The following KNOP1 variants were observed in gnomAD, a reference collection of about 807,000 sequenced individuals.
KNOP1 encodes lysine-rich nucleolar protein 1.
In KNOP1, 20 loss-of-function variants were observed where a neutral mutation model predicts 30.6. The ratio of observed to expected loss-of-function variants is 0.65; its 90% CI spans 0.46 to 0.95. KNOP1 has a LOEUF of 0.95. KNOP1 is among the 40% of genes least tolerant of loss of function. The pLI, the probability that KNOP1 is intolerant of heterozygous loss-of-function variation, is 0.00. For missense variants in KNOP1, 540 were observed against 562.0 expected, an observed-to-expected ratio of 0.96 and a Z score of 0.40; for synonymous variants, 204 against 210.0, an observed-to-expected ratio of 0.97 and a Z score of 0.25.
chr16:19,716,274 G>A (rs1051859350), intron 1 of KNOP1, among the ~76,000 whole-genome samples: 1 of 152,244 alleles, frequency 6.6e-6, no homozygotes, highest in African/African-American at 2.4e-5. Context: ...TAGGGATACA[G>A]AGATGAACAA....
At position 19,706,650 on chromosome 16, in the gene KNOP1, A is replaced by G; in HGVS notation, c.*260T>C. ...TGCCCCAGTTCATCCAAGCCCATCAATATAGTTGTCCTCGTCCTTAATCTC... is the reference window on the plus strand; with the variant it reads ...TGCCCCAGTTCATCCAAGCCCATCAGTATAGTTGTCCTCGTCCTTAATCTC... On this transcript the variant is annotated 3_prime_UTR_variant, in exon 5 of 5. Coordinates refer to ENST00000219837, the MANE Select transcript of KNOP1 (RefSeq NM_001012991.3). 2 of 451,304 alleles carry G rather than the reference A, an allele frequency of 4.4e-6. No individual in the cohort carries two copies. The highest frequency in any genetic ancestry group is 2.5e-5 in the South Asian group (1 of 40,670). 28.0% of individuals were successfully genotyped at this position (451,304 alleles called of 1,614,324 possible).
rs190026088 is a variant in KNOP1 at position 19,713,829 on chromosome 16, C to T, written c.918+289G>A. The stretch of plus-strand genomic sequence containing the variant: ...TGATCCCAGTTAATTCAGACCCCAA[C>T]GGCAGACAGGGAAAACTTGGGTGGT... On this transcript the variant is annotated intron_variant, in intron 2 of 4. Coordinates refer to ENST00000219837, the MANE Select transcript of KNOP1 (RefSeq NM_001012991.3). Among the ~76,000 whole-genome samples, 4 of 152,278 alleles carry T rather than the reference C, an allele frequency of 2.6e-5. No homozygotes were observed. The East Asian group carries it at 7.7e-4, about 29-fold the overall frequency.
chr16:19,710,420 T>TCCTG (rs1976645426), intron 4 of KNOP1, 89 bp downstream of exon 4: 2 of 1,317,010 alleles, frequency 1.5e-6, no homozygotes, highest in Admixed American at 3.4e-5. Context: ...TACTTGGTTC[T>TCCTG]CCTGCTCCAC....
chr16:19,714,511 C>T lies in KNOP1; in HGVS notation c.525G>A (p.Arg175=). Residue 175 remains arginine (R), a synonymous_variant, in exon 2 of 5, where the codon AGG becomes AGA. Coordinates refer to ENST00000219837, the MANE Select transcript of KNOP1 (RefSeq NM_001012991.3). ...SVQDPWFCEA[R]EARDVGDTCS... Reference sequence around the variant, plus strand: ...AAGTGTCCCCAACATCCCTGGCCTCCCTGGCCTCACAGAACCAAGGGTCCT... The same window carrying T: ...AAGTGTCCCCAACATCCCTGGCCTCTCTGGCCTCACAGAACCAAGGGTCCT... 13 of 1,614,108 alleles carry T rather than the reference C, an allele frequency of 8.1e-6. No homozygotes were observed. The highest frequency in any genetic ancestry group is 1.1e-5 in the Non-Finnish European group (13 of 1,180,006).
intron 4 of KNOP1, among the ~76,000 whole-genome samples, chr16:19,708,928 C>T (rs902654465): frequency 3.3e-5 from 5 of 152,156 alleles, no homozygotes; most frequent in African/African-American, 4.8e-5. Context: ...ACCACTTCAC[C>T]ACGTCTCAGT....
In KNOP1 at chr16:19,706,906, G is replaced by A. The variant is rs539033738; in HGVS notation, c.*4C>T. 6.2e-7 allele frequency: 1 copy of A among 1,611,402 alleles called. No homozygotes were observed. The highest frequency in any genetic ancestry group is 1.3e-5 in the African/African-American group (1 of 74,954). ...GCAGTTTTGGGGGGACAAAACTCTA[G>A]AGTTTAATCTTCCAGCTTGACTGAC... On this transcript the variant is annotated 3_prime_UTR_variant, in exon 5 of 5. Coordinates refer to ENST00000219837, the MANE Select transcript of KNOP1 (RefSeq NM_001012991.3).
chr16:19,710,587 C>T lies in KNOP1; in HGVS notation c.988-1G>A. 1 of 1,611,962 alleles carries T rather than the reference C, an allele frequency of 6.2e-7. No homozygotes were observed. Reference sequence around the variant, plus strand: ...CTTCTTGCAAGGCCTTTCGCCTCACCTGAGCAAGAAGGATGACAGAAGAGG... The same window carrying T: ...CTTCTTGCAAGGCCTTTCGCCTCACTTGAGCAAGAAGGATGACAGAAGAGG... On this transcript the variant is annotated splice_acceptor_variant, in intron 3 of 4. Coordinates refer to ENST00000219837, the MANE Select transcript of KNOP1 (RefSeq NM_001012991.3). LOFTEE classifies it high-confidence loss of function.
Position 19,704,645 on chromosome 16 carries a change from T to G in KNOP1, c.*2265A>C, listed in dbSNP as rs559706825. On this transcript the variant is annotated 3_prime_UTR_variant, in exon 5 of 5. Coordinates refer to ENST00000219837, the MANE Select transcript of KNOP1 (RefSeq NM_001012991.3). ...TTACACCAGGCACATTCCTGTAGTG[T>G]TGCTCAAGGTCAGGAGGGATTTGTT... is the stretch of plus-strand genomic sequence containing the variant. 1 of 153,236 alleles carries G rather than the reference T, an allele frequency of 6.5e-6. No homozygotes were observed. The highest frequency in any genetic ancestry group is 1.9e-4 in the East Asian group (1 of 5,200). 9.5% of individuals were successfully genotyped at this position (153,236 alleles called of 1,614,324 possible). A position where few individuals can be genotyped will look rare whatever the true frequency, so the allele number is the denominator to read the frequency against.
At position 19,718,222 on chromosome 16, in the gene KNOP1, C is replaced by T. The variant is rs552280455; in HGVS notation, c.-67G>A. ...TCCGCCGTGACCCGGAAGTCCACTTCGAGTCGCCGGCCCACCCTCTCGGGT... is the reference window on the plus strand; with the variant it reads ...TCCGCCGTGACCCGGAAGTCCACTTTGAGTCGCCGGCCCACCCTCTCGGGT... On this transcript the variant is annotated 5_prime_UTR_variant, in exon 1 of 5. Transcript: ENST00000219837. 1.3e-6 allele frequency: 2 copies of T among 1,534,164 alleles called. No individual in the cohort carries two copies. The highest frequency in any genetic ancestry group is 1.7e-6 in the Non-Finnish European group (2 of 1,142,990).
chr16:19,707,314 T>A lies in KNOP1; in HGVS notation c.1066-93A>T, dbSNP rs1976433509. The stretch of plus-strand genomic sequence containing the variant: ...CCCTCATCAGGGAGGGCCCAGCAGA[T>A]TAGATGGCTGCTGTGTACCAGGCAC... On this transcript the variant is annotated intron_variant, in intron 4 of 4. Coordinates refer to ENST00000219837, the MANE Select transcript of KNOP1 (RefSeq NM_001012991.3). 8.2e-6 allele frequency: 8 copies of A among 972,026 alleles called. 1 individual carries two copies. The South Asian group carries it at 8.4e-5, about 10-fold the overall frequency. The allele number at this position is 972,026 out of a possible 1,614,324, so 60.2% of individuals were successfully genotyped here. A position where few individuals can be genotyped will look rare whatever the true frequency, so the allele number is the denominator to read the frequency against.
Position 19,709,160 on chromosome 16 carries a change from C to A in KNOP1, c.1065+1349G>T, listed in dbSNP as rs566967387. Among the ~76,000 whole-genome samples the A allele has an allele frequency of 2.6e-4, 39 of 152,340 alleles. 3 individuals are homozygous for A. In the South Asian group the frequency reaches 7.3e-3, roughly 28 times the overall value. Reference sequence around the variant, plus strand: ...CATAACAAAGCCCCACTCCATACCCCACCAGGCCAGGGTACGAGTCCCATT... The same window carrying A: ...CATAACAAAGCCCCACTCCATACCCAACCAGGCCAGGGTACGAGTCCCATT... On this transcript the variant is annotated intron_variant, in intron 4 of 4. Coordinates refer to ENST00000219837, the MANE Select transcript of KNOP1 (RefSeq NM_001012991.3).
At chr16:19,712,345 C>G (rs1976763679) in intron 2 of KNOP1, among the ~76,000 whole-genome samples, 2 of 152,300 alleles carry the variant, frequency 1.3e-5, no homozygotes, top group Admixed American at 6.5e-5. Context: ...CTCCCCTCCC[C>G]CTCTAACCGA....
rs1976888976 is a variant in KNOP1, at chr16:19,714,443, T to C, written c.593A>G (p.Gln198Arg). 1.2e-6 allele frequency: 2 copies of C among 1,613,970 alleles called. No homozygotes were observed. The highest frequency in any genetic ancestry group is 8.5e-7 in the Non-Finnish European group (1 of 1,180,026). The change falls in exon 2 of 5, where the codon CAG (glutamine) becomes CGG (arginine). Residue 198 changes from glutamine to arginine, a missense_variant. Transcript: ENST00000219837. Reference protein sequence around the residue: ...KKDEEQAALGQKRKRKSPREH... With the variant: ...KKDEEQAALGRKRKRKSPREH... The stretch of plus-strand genomic sequence containing the variant: ...TCTGGGGCTCTTCCGCTTCCGTTTC[T>C]GCCCCAAGGCTGCCTGTTCCTCATC...
Position 19,706,980 on chromosome 16 carries a change from A to G in KNOP1, c.1307T>C (p.Phe436Ser). 6.2e-7 allele frequency: 1 copy of G among 1,613,736 alleles called. No homozygotes were observed. The highest frequency in any genetic ancestry group is 8.5e-7 in the Non-Finnish European group (1 of 1,180,022). Residue 436 changes from phenylalanine to serine, a missense_variant, in exon 5 of 5, where the codon TTC becomes TCC. Transcript: ENST00000219837. ...WKYSRGAGLG[F>S]STAPNKIFYI... ...AAAGATCTTGTTGGGGGCGGTGGAG[A>G]AGCCGAGGCCGGCTCCCCGGCTGTA...
chr16:19,709,073 C>A (rs1976572844), intron 4 of KNOP1, among the ~76,000 whole-genome samples: 1 of 152,122 alleles, frequency 6.6e-6, no homozygotes, highest in South Asian at 2.1e-4. Context: ...GCTGGATGTC[C>A]CATCAGCTCG....
At chr16:19,711,232 G>C in intron 3 of KNOP1, 140 bp downstream of exon 3, 1 of 788,310 alleles carries the variant, frequency 1.3e-6, no homozygotes, top group Non-Finnish European at 2.2e-6. Flanking sequence ...GGAGGTGTGC[G>C]TTGGCAGCTG....
intron 4 of KNOP1, 101 bp downstream of exon 4, chr16:19,710,408 C>T (rs1369552077): frequency 8.7e-6 from 10 of 1,151,680 alleles, no homozygotes; most frequent in Non-Finnish European, 1.3e-5. Context: ...GGGGCCTGGA[C>T]ATACTTGGTT....
chr16:19,712,460 C>A (rs1976770554), intron 2 of KNOP1, among the ~76,000 whole-genome samples: 1 of 152,186 alleles, frequency 6.6e-6, no homozygotes, highest in South Asian at 2.1e-4. Flanking sequence ...TCTACTAATA[C>A]CGGCTTCTAC....
At chr16:19,717,799 A>G (rs890687691) in intron 1 of KNOP1, 3 of 995,958 alleles carry the variant, frequency 3.0e-6, no homozygotes, top group Admixed American at 5.7e-5. Context: ...GAAAACGGAG[A>G]CTGGAATTCC....
Sources: allele counts gnomAD v4.1 joint callset (sites outside exome capture counted in the v4.1 genomes callset), GRCh38; gene constraint gnomAD v4.1.1; transcripts MANE v1.5; gene names NCBI Gene and HGNC (gene_info 2026-07-23, HGNC 2026-07-21).